The following MICAL1 variants were observed in gnomAD, a reference collection of about 807,000 sequenced individuals.
The protein encoded by MICAL1 is [F-actin]-monooxygenase MICAL1.
In MICAL1, 95 loss-of-function variants were observed where a neutral mutation model predicts 131.8. The observed-to-expected ratio is 0.72, with a 90% confidence interval of 0.61 to 0.86. MICAL1 has a LOEUF of 0.86. Ranked by LOEUF, MICAL1 falls within the 40% of genes least tolerant of loss-of-function variation. The pLI is 0.00. For missense variants in MICAL1, 1,292 were observed against 1,380.6 expected (o/e 0.94, Z 1.02); for synonymous variants, 546 against 554.2 (o/e 0.99, Z 0.21).
intron 1 of MICAL1, chr6:109,465,584 C>T: frequency 6.9e-7 from 1 of 1,454,804 alleles, no homozygotes; most frequent in African/African-American, 1.4e-5. Context: ...CAAAGAAAAA[C>T]TACCCGAGTC....
At chr6:109,449,372 T>C in intron 11 of MICAL1, 28 bp downstream of exon 11, 1 of 1,613,748 alleles carries the variant, frequency 6.2e-7, no homozygotes, top group Non-Finnish European at 8.5e-7. Flanking sequence ...CATATTTTGG[T>C]CACCCCTTGG....
At position 109,450,435 on chromosome 6, in the gene MICAL1, G is replaced by C; in HGVS notation, c.1056C>G (p.Ala352=). The C allele has an allele frequency of 6.2e-7, 1 of 1,613,554 alleles. No homozygotes were observed. The highest frequency in any genetic ancestry group is 8.5e-7 in the Non-Finnish European group (1 of 1,179,998). ...THGKLGKLEF[A]QDAHGQPDVS... ...CATCAGGCTGCCCATGGGCATCCTG[G>C]GCAAACTCTAGTTTCCCGAGCTTGC... The change falls in exon 8 of 25, where the codon GCC becomes GCG. Residue 352 remains alanine, a synonymous_variant. Transcript: ENST00000358807.
intron 2 of MICAL1, 43 bp from the exon 3 acceptor site, chr6:109,453,888 CCT>C (rs772969902): frequency 1.7e-5 from 27 of 1,610,228 alleles, no homozygotes; most frequent in East Asian, 2.2e-5. Flanking sequence ...TCCTGTCCGT[CCT>C]CTGACTCCCC....
At chr6:109,447,597 A>G (rs574656076) in intron 15 of MICAL1, 84 bp downstream of exon 15, 3 of 1,600,060 alleles carry the variant, frequency 1.9e-6, no homozygotes, top group Admixed American at 1.7e-5. Flanking sequence ...GGAACAAGAC[A>G]TGGGATGAGA....
At chr6:109,448,642 C>G in intron 12 of MICAL1, 90 bp downstream of exon 12, 2 of 1,546,586 alleles carry the variant, frequency 1.3e-6, no homozygotes, top group Non-Finnish European at 1.8e-6. Flanking sequence ...TCGGCAGATG[C>G]AGGGAAGCAC....
At position 109,451,682 on chromosome 6, in the gene MICAL1, A is replaced by G. The variant is rs747394101; in HGVS notation, c.851T>C (p.Ile284Thr). The change falls in exon 7 of 25, where the codon ATT becomes ACT. Residue 284 changes from isoleucine to threonine, a missense_variant. Ile to Thr is a moderately conservative substitution (Grantham distance 89). Transcript: ENST00000358807. ...GTGGGTGTCGTCCTTGTAGTACACA[A>G]TGTTCTCCAGATCAATGCCTGGGGG... ...LKATGIDLENIVYYKDDTHYF... is the reference protein window; with the variant it reads ...LKATGIDLENTVYYKDDTHYF... The G allele has an allele frequency of 1.2e-5, 19 of 1,613,800 alleles. No individual in the cohort carries two copies. The East Asian group carries it at 1.3e-4, about 11-fold the overall frequency.
chr6:109,453,109 G>A (rs191242881), intron 4 of MICAL1, among the ~76,000 whole-genome samples, 154 bp downstream of exon 4: 1 of 152,288 alleles, frequency 6.6e-6, no homozygotes, highest in East Asian at 1.9e-4. Flanking sequence ...GCAGTGAGCC[G>A]AGATCATGCC....
At chr6:109,454,968 G>A (rs2115341350) in intron 1 of MICAL1, 1 of 152,424 alleles carries the variant, frequency 6.6e-6, no homozygotes, top group South Asian at 2.1e-4. Flanking sequence ...CCTACTCCAG[G>A]GGGCCGTGGG....
At chr6:109,460,073 C>T (rs560139920), upstream of MICAL1, among the ~76,000 whole-genome samples, 2 of 143,242 alleles carry the variant, frequency 1.4e-5, no homozygotes, top group Admixed American at 7.1e-5. Context: ...ACACTTCACA[C>T]TGAATATAGT....
intron 1 of MICAL1, chr6:109,463,962 G>A (rs1033135846): frequency 6.6e-6 from 1 of 152,154 alleles, no homozygotes; most frequent in Non-Finnish European, 1.5e-5. Context: ...AAATAGCTAT[G>A]TAACCGTATT....
At position 109,452,507 on chromosome 6, in the gene MICAL1, T is replaced by C. The variant is rs767614950; in HGVS notation, c.676+4A>G. On this transcript the variant is annotated splice_donor_region_variant and intron_variant, in intron 5 of 24. Coordinates refer to ENST00000358807, the MANE Select transcript of MICAL1 (RefSeq NM_022765.4). ...TGGCTTCTTTGAGGGAAGTGATCACTCACCTTCAGGGACGAATTTACCTCC... is the reference window on the plus strand; with the variant it reads ...TGGCTTCTTTGAGGGAAGTGATCACCCACCTTCAGGGACGAATTTACCTCC... 1 of 1,613,608 alleles carries C rather than the reference T, an allele frequency of 6.2e-7. No individual in the cohort carries two copies. Among genetic ancestry groups the C allele is most frequent in the African/African-American group, 1.3e-5 (1 of 74,858 alleles).
upstream of MICAL1, among the ~76,000 whole-genome samples, chr6:109,460,098 T>TCA (rs3054664): frequency 0.52 from 78,377 of 151,704 alleles, 21,279 homozygotes; most frequent in African/African-American, 0.7. Flanking sequence ...CTTTTCAGAC[T>TCA]CATAAAAAAG....
chr6:109,458,937 C>T (rs12208204), upstream of MICAL1, among the ~76,000 whole-genome samples: 7,700 of 152,184 alleles, frequency 0.051, 362 homozygotes, highest in East Asian at 0.21. Context: ...TAGAGAGTGC[C>T]ATGAGAGGAT....
At chr6:109,455,776 C>A (rs1476456314), upstream of MICAL1, 5 of 364,640 alleles carry the variant, frequency 1.4e-5, no homozygotes, top group Non-Finnish European at 1.5e-5. This position sits in a 1 kb window ranked among gnomAD's most constrained non-coding sequence, Gnocchi z 4.7. Flanking sequence ...CAGGTCTGAG[C>A]GGGTGGGAGG....
At position 109,452,496 on chromosome 6, in the gene MICAL1, G is replaced by T; in HGVS notation, c.676+15C>A. On this transcript the variant is annotated intron_variant, in intron 5 of 24. Transcript: ENST00000358807. ...GCCAGAGATGCTGGCTTCTTTGAGG[G>T]AAGTGATCACTCACCTTCAGGGACG... is the stretch of plus-strand genomic sequence containing the variant. 1.4e-5 allele frequency: 23 copies of T among 1,613,502 alleles called. No individual in the cohort carries two copies. Among genetic ancestry groups the T allele is most frequent in the Non-Finnish European group, 1.9e-5 (23 of 1,179,608 alleles).
chr6:109,461,330 G>A (rs1399379819), intron 1 of MICAL1, among the ~76,000 whole-genome samples: 2 of 152,104 alleles, frequency 1.3e-5, no homozygotes, highest in South Asian at 4.1e-4. Flanking sequence ...TGGTGTATAT[G>A]TGCCACATTT....
chr6:109,454,186 G>A lies in MICAL1; in HGVS notation c.11C>T (p.Pro4Leu), dbSNP rs767144215. MAS[P>L]TSTNPAHAHF... ...GGCATGCGCTGGGTTGGTGGAGGTA[G>A]GTGAAGCCATGGAGGCCTCCTGGGG... Residue 4 changes from proline (P) to leucine (L), a missense_variant, in exon 2 of 25, where the codon CCT (proline) becomes CTT (leucine). Physicochemically the swap from Pro to Leu is moderately conservative, Grantham distance 98 (BLOSUM62 -3). Coordinates refer to ENST00000358807, the MANE Select transcript of MICAL1 (RefSeq NM_022765.4). 3.1e-5 allele frequency: 49 copies of A among 1,601,012 alleles called. No homozygotes were observed. Among genetic ancestry groups the A allele is most frequent in the Non-Finnish European group, 4.2e-5 (49 of 1,173,956 alleles).
Position 109,455,570 on chromosome 6 carries a change from G to T in MICAL1, c.-44+149C>A. The T allele has an allele frequency of 2.2e-6, 1 of 453,354 alleles. No homozygotes were observed. The highest frequency in any genetic ancestry group is 2.9e-6 in the Non-Finnish European group (1 of 342,792). 28.1% of individuals were successfully genotyped at this position (453,354 alleles called of 1,614,324 possible). A position where few individuals can be genotyped will look rare whatever the true frequency, so the allele number is the denominator to read the frequency against. ...CGACACTGGACGGCAAAGTCCGGAC[G>T]CGGCGTGAGCAGGGCTGGGCTGAGG... On this transcript the variant is annotated intron_variant, in intron 1 of 24. Coordinates refer to ENST00000358807, the MANE Select transcript of MICAL1 (RefSeq NM_022765.4). The surrounding 1 kb of genome is among the most constrained non-coding windows in gnomAD (Gnocchi z 4.7).
At chr6:109,449,002 G>A in intron 11 of MICAL1, 123 bp from the exon 12 acceptor site, 2 of 1,310,948 alleles carry the variant, frequency 1.5e-6, no homozygotes, top group Non-Finnish European at 2.1e-6. Context: ...CCTCTACTAG[G>A]GCACCAGCCT....
Sources: gnomAD v4.1 joint callset for allele counts (sites outside exome capture counted in the v4.1 genomes callset) on GRCh38, gnomAD v4.1.1 for gene constraint, Gnocchi (gnomAD v3.1) non-coding constraint, MANE v1.5 for transcripts, NCBI Gene and HGNC (gene_info 2026-07-23, HGNC 2026-07-21) for gene names.